Variants in GAK observed in about 807,000 individuals in gnomAD.
The protein encoded by GAK is cyclin-G-associated kinase.
A neutral mutation model predicts 143.9 loss-of-function variants in GAK; 79 were observed. The ratio of observed to expected loss-of-function variants is 0.55; its 90% CI spans 0.46 to 0.66. The LOEUF (loss-of-function observed/expected upper bound fraction) is 0.66, where lower values mean the gene tolerates loss of function less well. Among genes scored for constraint, GAK ranks in the 30% least tolerant of loss-of-function variants. The pLI is 0.00. For synonymous variants in GAK, 881 were observed against 765.5 expected (o/e 1.15, Z -2.49); for missense variants, 1,693 against 1,779.7 (o/e 0.95, Z 0.88).
rs182807586 is a variant in GAK, at chr4:850,116, C to T, written c.3658-48G>A. The T allele has an allele frequency of 4.4e-3, 6,616 of 1,507,350 alleles. 22 individuals carry two copies. The highest frequency in any genetic ancestry group is 4.9e-3 in the Non-Finnish European group (5,513 of 1,114,078). 93.4% of individuals were successfully genotyped at this position (1,507,350 alleles called of 1,614,324 possible). On this transcript the variant is annotated intron_variant, in intron 26 of 27. Coordinates refer to ENST00000314167, the MANE Select transcript of GAK (RefSeq NM_005255.4). Reference sequence around the variant, plus strand: ...CGAGCCCTGGGCACCTGCCTGCCCTCCTCCTCTGCACCGCGGAAACTGAGG... The same window carrying T: ...CGAGCCCTGGGCACCTGCCTGCCCTTCTCCTCTGCACCGCGGAAACTGAGG...
At chr4:866,821 G>C in intron 21 of GAK, 135 bp downstream of exon 21, 1 of 728,936 alleles carries the variant, frequency 1.4e-6, no homozygotes, top group Non-Finnish European at 2.3e-6. Flanking sequence ...CCCCGAGGCT[G>C]CTCCTGGGGG....
intron 11 of GAK, among the ~76,000 whole-genome samples, chr4:885,469 G>A (rs900114004): frequency 3.3e-5 from 5 of 152,198 alleles, no homozygotes; most frequent in Admixed American, 6.5e-5. Context: ...AAGCAAAGGT[G>A]GGCATTGAGT....
intron 22 of GAK, 136 bp downstream of exon 22, chr4:866,228 C>T: frequency 7.2e-6 from 6 of 832,416 alleles, no homozygotes; most frequent in South Asian, 1.7e-5. Context: ...GATGCTTGGG[C>T]CGCAAGGAGC....
intron 17 of GAK, 34 bp downstream of exon 17, chr4:877,056 T>C (rs762455498): frequency 5.5e-6 from 8 of 1,446,516 alleles, no homozygotes; most frequent in Non-Finnish European, 4.9e-6. Context: ...TAGGCGTGAG[T>C]GGGGAGCACC....
chr4:876,953 C>A (rs1714043159), intron 17 of GAK, 137 bp downstream of exon 17: 2 of 640,988 alleles, frequency 3.1e-6, no homozygotes, highest in African/African-American at 1.8e-5. Flanking sequence ...GGGGCAGTCG[C>A]CACATGAGAG....
intron 18 of GAK, among the ~76,000 whole-genome samples, chr4:875,218 G>C (rs2152784999): frequency 6.6e-6 from 1 of 152,214 alleles, no homozygotes; most frequent in East Asian, 1.9e-4. Flanking sequence ...CCTCCACCGT[G>C]GCTGAAAACT....
chr4:870,556 G>A (rs1292538376), intron 19 of GAK, among the ~76,000 whole-genome samples, 155 bp downstream of exon 19: 1 of 152,164 alleles, frequency 6.6e-6, no homozygotes, highest in African/African-American at 2.4e-5. Flanking sequence ...CATCCACGAC[G>A]GAGTTTCCAA....
intron 15 of GAK, among the ~76,000 whole-genome samples, chr4:880,162 G>A (rs1200606368): frequency 6.6e-6 from 1 of 151,012 alleles, no homozygotes; most frequent in Non-Finnish European, 1.5e-5. Context: ...GTGGACCACT[G>A]GACCATGCAC....
intron 1 of GAK, among the ~76,000 whole-genome samples, chr4:921,388 C>A (rs1391886517): frequency 6.6e-6 from 1 of 152,186 alleles, no homozygotes; most frequent in Admixed American, 6.5e-5. Context: ...GCTACCACGC[C>A]CAGCCCATCG....
chr4:885,545 T>C (rs977167219), intron 11 of GAK, among the ~76,000 whole-genome samples: 3 of 152,152 alleles, frequency 2.0e-5, no homozygotes, highest in Admixed American at 2.0e-4. Context: ...GACCTGGCTG[T>C]GTAGGCCTCA....
intron 15 of GAK, among the ~76,000 whole-genome samples, chr4:881,524 C>G (rs1203769897): frequency 3.9e-5 from 6 of 152,176 alleles, no homozygotes; most frequent in African/African-American, 1.4e-4. Context: ...GGGCCCTAAA[C>G]ACGCTGTGAC....
chr4:896,018 T>C (rs1207782623), intron 7 of GAK, among the ~76,000 whole-genome samples: 1 of 152,116 alleles, frequency 6.6e-6, no homozygotes, highest in African/African-American at 2.4e-5. Flanking sequence ...TCGCAGCACT[T>C]TGGGAGGCTG....
At chr4:882,182 T>C (rs1715270222) in intron 14 of GAK, 142 bp from the exon 15 acceptor site, 1 of 937,102 alleles carries the variant, frequency 1.1e-6, no homozygotes, top group Admixed American at 2.7e-5. Context: ...TTTAGGGAGC[T>C]ACATAACGTG....
chr4:859,128 C>A, intron 24 of GAK: 1 of 981,518 alleles, frequency 1.0e-6, no homozygotes, highest in Non-Finnish European at 1.2e-6. Flanking sequence ...GCCACAGCGC[C>A]CGGGGCCGGG....
At chr4:873,431 C>A (rs1365048418) in intron 18 of GAK, among the ~76,000 whole-genome samples, 1 of 152,042 alleles carries the variant, frequency 6.6e-6, no homozygotes, top group Non-Finnish European at 1.5e-5. Flanking sequence ...CCCACTTGAA[C>A]AGATGCCATT....
At chr4:926,016 G>C (rs368615960) in intron 1 of GAK, among the ~76,000 whole-genome samples, 1 of 150,916 alleles carries the variant, frequency 6.6e-6, no homozygotes. Flanking sequence ...CCCGGGGGTC[G>C]TCCCCAACAG....
At position 868,624 on chromosome 4, in the gene GAK, G is replaced by A. The variant is rs997588327; in HGVS notation, c.2310C>T (p.Ser770=). The A allele has an allele frequency of 4.4e-6, 7 of 1,578,214 alleles. No individual in the cohort carries two copies. In the African/African-American group the frequency reaches 5.4e-5, roughly 12 times the overall value. Residue 770 remains serine, a synonymous_variant, in exon 20 of 28, where the codon TCC becomes TCT. Coordinates refer to ENST00000314167, the MANE Select transcript of GAK (RefSeq NM_005255.4). ...CAGAGTCTGTGGGTTCGGCTTCCGGGGACCCTGCCCCAGCATCATACTGAG... is the reference window on the plus strand; with the variant it reads ...CAGAGTCTGTGGGTTCGGCTTCCGGAGACCCTGCCCCAGCATCATACTGAG... The part of the protein sequence containing the change: ...STAQYDAGAG[S]PEAEPTDSDS...
chr4:932,254 TC>T lies in GAK; in HGVS notation c.-68del. The T allele has an allele frequency of 6.9e-7, 1 of 1,456,538 alleles. No individual in the cohort carries two copies. Among genetic ancestry groups the T allele is most frequent in the Non-Finnish European group, 9.0e-7 (1 of 1,111,144 alleles). The allele number at this position is 1,456,538 out of a possible 1,614,324, so 90.2% of individuals were successfully genotyped here. A position where few individuals can be genotyped will look rare whatever the true frequency, so the allele number is the denominator to read the frequency against. ...GGCTCGGGCTCCCGCTCCCTCGCCGTCCGGGTCAGCTCAGCAACCGCCGGCC... is the reference window on the plus strand; with the variant it reads ...GGCTCGGGCTCCCGCTCCCTCGCCGTCGGGTCAGCTCAGCAACCGCCGGCC... On this transcript the variant is annotated 5_prime_UTR_variant, in exon 1 of 28. Coordinates refer to ENST00000314167, the MANE Select transcript of GAK (RefSeq NM_005255.4). This position sits in a 1 kb window ranked among gnomAD's most constrained non-coding sequence, Gnocchi z 4.0.
In GAK at chr4:849,756, C is replaced by T. The variant is rs780851771; in HGVS notation, c.3853G>A (p.Glu1285Lys). The change falls in exon 28 of 28, where the codon GAG becomes AAG. Residue 1285 changes from glutamate (E) to lysine (K), a missense_variant. By Grantham distance (56) the Glu-to-Lys change is moderately conservative. This residue lies in a region of GAK where 822 missense variants were observed against 788.7 expected (regional missense o/e 1.04). Coordinates refer to ENST00000314167, the MANE Select transcript of GAK (RefSeq NM_005255.4). ...HPDKAAGQPYEQHAKMIFMEL... is the reference protein window; with the variant it reads ...HPDKAAGQPYKQHAKMIFMEL... ...ATGAAGATCATCTTGGCGTGCTGCT[C>T]GTACGGCTGCCCCGCAGCCTATGGG... 6.2e-6 allele frequency: 10 copies of T among 1,613,012 alleles called. No homozygotes were observed. Among genetic ancestry groups the T allele is most frequent in the South Asian group, 1.1e-5 (1 of 90,992 alleles).
Sources: allele counts gnomAD v4.1 joint callset (sites outside exome capture counted in the v4.1 genomes callset), GRCh38; gene constraint gnomAD v4.1.1; regional missense constraint gnomAD v4.1.1; non-coding constraint Gnocchi (gnomAD v3.1); transcripts MANE v1.5; gene names NCBI Gene and HGNC (gene_info 2026-07-23, HGNC 2026-07-21).